Variants in ATP10A observed in about 807,000 individuals in gnomAD.
The protein encoded by ATP10A is phospholipid-transporting ATPase VA.
Under a neutral mutation model 147.8 loss-of-function variants are expected in ATP10A, and 111 were observed. The ratio of observed to expected loss-of-function variants is 0.75; its 90% CI spans 0.64 to 0.88. The LOEUF (loss-of-function observed/expected upper bound fraction) is 0.88. Among genes scored for constraint, ATP10A ranks in the 40% least tolerant of loss-of-function variants. The pLI is 0.00. For missense variants in ATP10A, 1,927 were observed against 1,959.0 expected, an observed-to-expected ratio of 0.98 and a Z score of 0.31; for synonymous variants, 875 against 841.6, an observed-to-expected ratio of 1.04 and a Z score of -0.69.
chr15:25,858,760 G>A (rs1374719402), intron 1 of ATP10A, among the ~76,000 whole-genome samples: 1 of 152,146 alleles, frequency 6.6e-6, no homozygotes, highest in Non-Finnish European at 1.5e-5. Context: ...GAGCCCAGAA[G>A]ATTCAGGGAA....
intron 12 of ATP10A, among the ~76,000 whole-genome samples, chr15:25,702,990 C>T (rs1367249471): frequency 6.6e-6 from 1 of 152,012 alleles, no homozygotes; most frequent in Admixed American, 6.6e-5. Flanking sequence ...GGATGTGGGG[C>T]CTGCAGGAGG....
intron 1 of ATP10A, among the ~76,000 whole-genome samples, chr15:25,821,724 G>T (rs971097321): frequency 6.6e-6 from 1 of 152,174 alleles, no homozygotes; most frequent in African/African-American, 2.4e-5. Context: ...GTAGTCTTTA[G>T]AAATCATATT....
chr15:25,783,874 A>G (rs1335299237), intron 1 of ATP10A, among the ~76,000 whole-genome samples: 1 of 152,178 alleles, frequency 6.6e-6, no homozygotes, highest in Non-Finnish European at 1.5e-5. Flanking sequence ...CCAGGGAACC[A>G]TGGGGTCCTC....
chr15:25,769,399 T>G (rs1036252238), intron 2 of ATP10A, among the ~76,000 whole-genome samples: 1 of 142,630 alleles, frequency 7.0e-6, no homozygotes, highest in Admixed American at 7.7e-5. Flanking sequence ...AGGCAGAGAA[T>G]TGCTTGAACC....
At chr15:25,792,471 C>A (rs994683478) in intron 1 of ATP10A, among the ~76,000 whole-genome samples, 7 of 152,236 alleles carry the variant, frequency 4.6e-5, no homozygotes, top group African/African-American at 1.7e-4. Flanking sequence ...TCAACAAACA[C>A]CCATGCAGGT....
chr15:25,721,812 G>A lies in ATP10A; in HGVS notation c.1208C>T (p.Thr403Ile). ...NQDMQLYDEETDSQLQCRALN... is the reference protein window; with the variant it reads ...NQDMQLYDEEIDSQLQCRALN... ...AGCTCGGCACTGCAGCTGCGAGTCTGTTTCTTCGTCATACAACTGCATGTC... is the reference window on the plus strand; with the variant it reads ...AGCTCGGCACTGCAGCTGCGAGTCTATTTCTTCGTCATACAACTGCATGTC... The change falls in exon 7 of 21, where the codon ACA becomes ATA. Residue 403 changes from threonine (T) to isoleucine (I), a missense_variant. Physicochemically the swap from Thr to Ile is moderately conservative, Grantham distance 89. Coordinates refer to ENST00000555815, the MANE Select transcript of ATP10A (RefSeq NM_024490.4). The A allele has an allele frequency of 6.2e-7, 1 of 1,614,174 alleles. No homozygotes were observed. Among genetic ancestry groups the A allele is most frequent in the Non-Finnish European group, 8.5e-7 (1 of 1,180,036 alleles).
chr15:25,713,904 T>C lies in ATP10A; in HGVS notation c.2114A>G (p.Tyr705Cys), dbSNP rs1901598690. The C allele has an allele frequency of 6.2e-7, 1 of 1,613,374 alleles. No individual in the cohort carries two copies. The highest frequency in any genetic ancestry group is 8.5e-7 in the Non-Finnish European group (1 of 1,180,042). ...CACGCAGTTGTAGGCTCTGGCCGCA[T>C]ACACCAGTGCGGCCTCATCCGGGCT... ...AESPDEAALVYAARAYNCVLV... is the reference protein window; with the variant it reads ...AESPDEAALVCAARAYNCVLV... The change falls in exon 10 of 21, where the codon TAT becomes TGT. Residue 705 changes from tyrosine (Y) to cysteine (C), a missense_variant. By Grantham distance (194) the Tyr-to-Cys change is radical. Transcript: ENST00000555815.
Position 25,718,292 on chromosome 15 carries a change from G to A in ATP10A, c.1471C>T (p.Arg491Trp), listed in dbSNP as rs146105253. ...RGSIGSHQSV[R>W]VVHRTQSTKS... ...GTGCTCTGGGTTCTGTGCACCACCC[G>A]GACACTCTGGTGGCTGCCGATGCTG... Residue 491 changes from arginine (R) to tryptophan (W), a missense_variant, in exon 8 of 21, where the codon CGG becomes TGG. By Grantham distance (101) the Arg-to-Trp change is moderately radical. Transcript: ENST00000555815. 9.9e-6 allele frequency: 16 copies of A among 1,611,894 alleles called. No homozygotes were observed. Among genetic ancestry groups the A allele is most frequent in the South Asian group, 4.4e-5 (4 of 91,024 alleles).
Position 25,748,617 on chromosome 15 carries a change from G to A in ATP10A, c.655-12476C>T, listed in dbSNP as rs565270158. On this transcript the variant is annotated intron_variant, in intron 2 of 20. Coordinates refer to ENST00000555815, the MANE Select transcript of ATP10A (RefSeq NM_024490.4). ...TGTATGATATCACCACTTCCATTTA[G>A]AACTGTACTGGAGTCCTTGCCACTG... Among the ~76,000 whole-genome samples, 3 of 151,350 alleles carry A rather than the reference G, an allele frequency of 2.0e-5. No homozygotes were observed. In the East Asian group the frequency reaches 5.9e-4, roughly 30 times the overall value.
intron 15 of ATP10A, among the ~76,000 whole-genome samples, chr15:25,689,536 T>C (rs1899896269): frequency 1.3e-5 from 2 of 152,072 alleles, no homozygotes; most frequent in South Asian, 4.1e-4. Context: ...ACAGCTCATC[T>C]CTCAAAGGGC....
chr15:25,719,606 A>G (rs1017381580), intron 7 of ATP10A, among the ~76,000 whole-genome samples: 1 of 133,076 alleles, frequency 7.5e-6, no homozygotes, highest in Non-Finnish European at 1.6e-5. Context: ...AGCTCCATGG[A>G]GCCATCCTTC....
chr15:25,726,508 C>T (rs1902563134), intron 4 of ATP10A, among the ~76,000 whole-genome samples: 1 of 150,640 alleles, frequency 6.6e-6, no homozygotes, highest in African/African-American at 2.4e-5. Context: ...GTGGTATAAA[C>T]TCGGCTCACT....
rs187422990 is a variant in ATP10A at position 25,744,034 on chromosome 15, A to G, written c.655-7893T>C. Among the ~76,000 whole-genome samples, 26 of 152,176 alleles carry G rather than the reference A, an allele frequency of 1.7e-4. No homozygotes were observed. In the East Asian group the frequency reaches 4.8e-3, roughly 28 times the overall value. ...GGACCACTATTCTGTCTACTATAAA[A>G]CCTACCAAGAGAGGGGCCTGATAAA... On this transcript the variant is annotated intron_variant, in intron 2 of 20. Transcript: ENST00000555815.
downstream of ATP10A, chr15:25,677,570 C>G (rs4906744): frequency 6.6e-6 from 1 of 152,212 alleles, no homozygotes; most frequent in Non-Finnish European, 1.5e-5. Flanking sequence ...TGCTCGCAAC[C>G]ATTACCTTAA....
Position 25,716,688 on chromosome 15 carries a change from G to A in ATP10A, c.1776+42C>T, listed in dbSNP as rs150487872. 1.2e-3 allele frequency: 1,835 copies of A among 1,486,948 alleles called. 27 individuals carry two copies. In the African/African-American group the frequency reaches 0.022, roughly 18 times the overall value. The allele number at this position is 1,486,948 out of a possible 1,614,324, so 92.1% of individuals were successfully genotyped here. A position where few individuals can be genotyped will look rare whatever the true frequency, so the allele number is the denominator to read the frequency against. ...AGGACTGACAACCATGGCCCGCAGC[G>A]CAGAAGGTCAAGGTCAAGCTCAGGG... On this transcript the variant is annotated intron_variant, in intron 9 of 20. Coordinates refer to ENST00000555815, the MANE Select transcript of ATP10A (RefSeq NM_024490.4).
chr15:25,749,315 A>G (rs572422763), intron 2 of ATP10A, among the ~76,000 whole-genome samples: 1 of 152,300 alleles, frequency 6.6e-6, no homozygotes, highest in Non-Finnish European at 1.5e-5. Flanking sequence ...AGTATTATTA[A>G]GAGATTAAAG....
intron 12 of ATP10A, among the ~76,000 whole-genome samples, chr15:25,702,990 C>A (rs1367249471): frequency 2.0e-5 from 3 of 152,012 alleles, no homozygotes; most frequent in African/African-American, 7.2e-5. Flanking sequence ...GGATGTGGGG[C>A]CTGCAGGAGG....
At chr15:25,719,704 G>C (rs1344539177) in intron 7 of ATP10A, among the ~76,000 whole-genome samples, 1 of 152,138 alleles carries the variant, frequency 6.6e-6, no homozygotes, top group Non-Finnish European at 1.5e-5. Flanking sequence ...GTGGCCCCTG[G>C]GATGCCTTCC....
At chr15:25,733,857 T>C (rs890178670) in intron 3 of ATP10A, among the ~76,000 whole-genome samples, 2 of 152,218 alleles carry the variant, frequency 1.3e-5, no homozygotes, top group Non-Finnish European at 2.9e-5. Context: ...CTCATGTCCC[T>C]TTCTCGGGCA....
Sources: allele counts gnomAD v4.1 joint callset (sites outside exome capture counted in the v4.1 genomes callset), GRCh38; gene constraint gnomAD v4.1.1; transcripts MANE v1.5; gene names NCBI Gene and HGNC (gene_info 2026-07-23, HGNC 2026-07-21).